The following PARP11 variants were observed in gnomAD, a reference collection of about 807,000 sequenced individuals.
The protein encoded by PARP11 is protein mono-ADP-ribosyltransferase PARP11.
Under a neutral mutation model 42.9 loss-of-function variants are expected in PARP11, and 31 were observed. That is an observed-to-expected ratio of 0.72 (90% CI 0.54 to 0.98). PARP11 has a LOEUF of 0.98. PARP11 is among the 50% of genes least tolerant of loss of function. The pLI is 0.00. For synonymous variants in PARP11, 137 were observed against 127.3 expected, an observed-to-expected ratio of 1.08 and a Z score of -0.51; for missense variants, 365 against 413.1, an observed-to-expected ratio of 0.88 and a Z score of 1.01.
chr12:3,861,227 T>C lies in PARP11; in HGVS notation c.18+11985A>G, dbSNP rs775797593. Among the ~76,000 whole-genome samples the C allele has an allele frequency of 3.9e-5, 6 of 152,176 alleles. No homozygotes were observed. The highest frequency in any genetic ancestry group is 7.4e-5 in the Non-Finnish European group (5 of 68,020). On this transcript the variant is annotated intron_variant, in intron 1 of 7. Transcript: ENST00000228820. This position sits in a 1 kb window ranked among gnomAD's most constrained non-coding sequence, Gnocchi z 4.6. ...GGGAAGGGCCAGGGCCAGAATGTTA[T>C]AGACTAAACGTTTGTGTCCTTGCCA...
At chr12:3,815,404 A>C (rs1947265201) in intron 6 of PARP11, among the ~76,000 whole-genome samples, 1 of 152,216 alleles carries the variant, frequency 6.6e-6, no homozygotes, top group Non-Finnish European at 1.5e-5. Flanking sequence ...ATGAACATTA[A>C]CAACTCAAAT....
rs766444832 is a variant in PARP11 at position 3,811,836 on chromosome 12, A to G, written c.*287T>C. ...AAACTTTAAAGATCTCAATGACCAC[A>G]TTAGTTGAGACTCAGCTGATTCCAT... On this transcript the variant is annotated 3_prime_UTR_variant, in exon 8 of 8. Transcript: ENST00000228820. 8 of 359,770 alleles carry G rather than the reference A, an allele frequency of 2.2e-5. No homozygotes were observed. The highest frequency in any genetic ancestry group is 4.0e-5 in the Non-Finnish European group (8 of 202,326). 22.3% of individuals were successfully genotyped at this position (359,770 alleles called of 1,614,324 possible).
intron 1 of PARP11, chr12:3,839,432 C>A (rs1423267982): frequency 3.1e-6 from 5 of 1,600,186 alleles, no homozygotes; most frequent in South Asian, 1.1e-5. Context: ...AAGGACGGGT[C>A]GTGCCTGTTC....
At chr12:3,822,289 T>C (rs1223977748) in intron 4 of PARP11, 132 bp from the exon 5 acceptor site, 1 of 707,472 alleles carries the variant, frequency 1.4e-6, no homozygotes, top group Non-Finnish European at 2.4e-6. Flanking sequence ...CAGCCTTCCG[T>C]TTCTTCATTT....
At chr12:3,848,978 A>G (rs1292096718) in intron 1 of PARP11, among the ~76,000 whole-genome samples, 2 of 152,202 alleles carry the variant, frequency 1.3e-5, no homozygotes, top group Non-Finnish European at 2.9e-5. Flanking sequence ...AAAAACACAA[A>G]TAATCCAATT....
At chr12:3,859,603 T>C (rs1948262451) in intron 1 of PARP11, among the ~76,000 whole-genome samples, 1 of 149,688 alleles carries the variant, frequency 6.7e-6, no homozygotes, top group Admixed American at 6.7e-5. Context: ...TAATATAACA[T>C]GCAATTAAAT....
intron 1 of PARP11, among the ~76,000 whole-genome samples, chr12:3,865,070 T>C (rs1948366928): frequency 6.6e-6 from 1 of 152,206 alleles, no homozygotes; most frequent in Non-Finnish European, 1.5e-5. Context: ...TTTGATATGT[T>C]GTTTTCATAC....
intron 1 of PARP11, among the ~76,000 whole-genome samples, chr12:3,854,589 G>T (rs1262646992): frequency 6.6e-6 from 1 of 152,156 alleles, no homozygotes; most frequent in African/African-American, 2.4e-5. Context: ...AAACCAGGAA[G>T]AGGTTGAATC....
chr12:3,869,164 G>A (rs1205937289), intron 1 of PARP11, among the ~76,000 whole-genome samples: 1 of 151,986 alleles, frequency 6.6e-6, no homozygotes, highest in African/African-American at 2.4e-5. Flanking sequence ...GGGCCCCCCT[G>A]GATAATCCAA....
intron 1 of PARP11, among the ~76,000 whole-genome samples, chr12:3,866,947 G>A (rs1948403607): frequency 6.6e-6 from 1 of 152,112 alleles, no homozygotes; most frequent in African/African-American, 2.4e-5. Flanking sequence ...TTTTACAATT[G>A]GACAAACTAC....
chr12:3,859,369 C>CG (rs1444149553), intron 1 of PARP11, among the ~76,000 whole-genome samples: 1 of 151,812 alleles, frequency 6.6e-6, no homozygotes, highest in Non-Finnish European at 1.5e-5. Context: ...TCGAGACCAA[C>CG]TTGACCAACA....
chr12:3,873,379 A>G lies in PARP11; in HGVS notation c.-150T>C, dbSNP rs1948532017. 2.7e-6 allele frequency: 2 copies of G among 727,516 alleles called. No homozygotes were observed. The highest frequency in any genetic ancestry group is 4.8e-6 in the Non-Finnish European group (2 of 420,548). The allele number at this position is 727,516 out of a possible 1,614,324, so 45.1% of individuals were successfully genotyped here. ...GGCCTTCCTCCTCCCCCTCCCTGTC[A>G]CAAGCCAGCGTTTACAGACCACCCA... is the stretch of plus-strand genomic sequence containing the variant. On this transcript the variant is annotated 5_prime_UTR_variant, in exon 1 of 8. Coordinates refer to ENST00000228820, the MANE Select transcript of PARP11 (RefSeq NM_020367.6).
intron 6 of PARP11, among the ~76,000 whole-genome samples, chr12:3,815,328 T>C: frequency 6.6e-6 from 1 of 152,188 alleles, no homozygotes; most frequent in East Asian, 1.9e-4. Context: ...GGAAAGTACA[T>C]CCATCTCAAT....
intron 1 of PARP11, among the ~76,000 whole-genome samples, chr12:3,846,967 C>T (rs1377351489): frequency 6.6e-6 from 1 of 151,632 alleles, no homozygotes; most frequent in East Asian, 1.9e-4. Flanking sequence ...GTCCCAAATA[C>T]TTGGGAGGCT....
intron 1 of PARP11, among the ~76,000 whole-genome samples, chr12:3,871,405 T>C (rs758133792): frequency 6.6e-6 from 1 of 152,230 alleles, no homozygotes; most frequent in Non-Finnish European, 1.5e-5. Context: ...GATACATAAA[T>C]ACTTTCCATT....
rs1947132168 is a variant in PARP11 at position 3,809,742 on chromosome 12, C to G, written c.*2381G>C. 6.6e-6 allele frequency: 1 copy of G among 152,184 alleles called. No homozygotes were observed. Among genetic ancestry groups the G allele is most frequent in the Non-Finnish European group, 1.5e-5 (1 of 68,024 alleles). 9.4% of individuals were successfully genotyped at this position (152,184 alleles called of 1,614,324 possible). ...TTTTCAAAACCTGAATTCCTAATGTCTCTAACATTGTTTTTTGTGAACGGG... is the reference window on the plus strand; with the variant it reads ...TTTTCAAAACCTGAATTCCTAATGTGTCTAACATTGTTTTTTGTGAACGGG... On this transcript the variant is annotated 3_prime_UTR_variant, in exon 8 of 8. Transcript: ENST00000228820.
chr12:3,811,923 A>G lies in PARP11; in HGVS notation c.*200T>C. On this transcript the variant is annotated 3_prime_UTR_variant, in exon 8 of 8. Transcript: ENST00000228820. ...TCAATGATATCAACTTTTAACAAAC[A>G]AGACTACAAGAAACAGGCAAAAACA... 1.9e-6 allele frequency: 1 copy of G among 535,860 alleles called. No individual in the cohort carries two copies. 33.2% of individuals were successfully genotyped at this position (535,860 alleles called of 1,614,324 possible). A position where few individuals can be genotyped will look rare whatever the true frequency, so the allele number is the denominator to read the frequency against.
rs549948801 is a variant in PARP11, at chr12:3,853,599, T to C, written c.18+19613A>G. ...AGGAGAGCTAACTATCCTAAATATATATGCACCCAATATAGGAGCACCCAG... is the reference window on the plus strand; with the variant it reads ...AGGAGAGCTAACTATCCTAAATATACATGCACCCAATATAGGAGCACCCAG... On this transcript the variant is annotated intron_variant, in intron 1 of 7. Coordinates refer to ENST00000228820, the MANE Select transcript of PARP11 (RefSeq NM_020367.6). Among the ~76,000 whole-genome samples the C allele has an allele frequency of 2.6e-4, 39 of 152,270 alleles. 1 individual carries two copies. The Middle Eastern group carries it at 0.014, about 53-fold the overall frequency.
At chr12:3,826,031 A>G (rs947903553) in intron 4 of PARP11, 127 bp downstream of exon 4, 3 of 598,142 alleles carry the variant, frequency 5.0e-6, no homozygotes, top group Non-Finnish European at 8.5e-6. Flanking sequence ...GCCTGGCCCA[A>G]GATTTGATAT....
Sources: allele counts gnomAD v4.1 joint callset (sites outside exome capture counted in the v4.1 genomes callset), GRCh38; gene constraint gnomAD v4.1.1; non-coding constraint Gnocchi (gnomAD v3.1); transcripts MANE v1.5; gene names NCBI Gene and HGNC (gene_info 2026-07-23, HGNC 2026-07-21).